RECK: variants seen among roughly 807,000 people sequenced by gnomAD.
The protein encoded by RECK is reversion inducing cysteine rich protein with kazal motifs.
A neutral mutation model predicts 115.1 loss-of-function variants in RECK; 69 were observed. That is an observed-to-expected ratio of 0.60 (90% CI 0.49 to 0.73). The LOEUF is 0.73. Among genes scored for constraint, RECK ranks in the 30% least tolerant of loss-of-function variants. The pLI, the probability that RECK is intolerant of heterozygous loss-of-function variation, is 0.00. For missense variants in RECK, 1,047 were observed against 1,203.7 expected (o/e 0.87, Z 1.93); for synonymous variants, 414 against 419.7 (o/e 0.99, Z 0.17).
In RECK at chr9:36,118,737, T is replaced by A. The variant is rs368364486; in HGVS notation, c.2254-20T>A. ...ACAACATAGACATTTCCAGGCTAAA[T>A]GTGATTTGTTTGCCCTCAGCCCTTT... On this transcript the variant is annotated intron_variant, in intron 17 of 20. Coordinates refer to ENST00000377966, the MANE Select transcript of RECK (RefSeq NM_021111.3). The A allele has an allele frequency of 6.4e-4, 1,038 of 1,610,058 alleles. No homozygotes were observed. The highest frequency in any genetic ancestry group is 8.3e-4 in the Non-Finnish European group (975 of 1,177,400).
At chr9:36,110,399 G>A (rs1413972037) in intron 15 of RECK, among the ~76,000 whole-genome samples, 1 of 152,060 alleles carries the variant, frequency 6.6e-6, no homozygotes, top group Non-Finnish European at 1.5e-5. Flanking sequence ...TACCCCTACT[G>A]CTATGATCTA....
chr9:36,067,151 A>G (rs926832433), intron 6 of RECK, among the ~76,000 whole-genome samples: 1 of 152,166 alleles, frequency 6.6e-6, no homozygotes, highest in Admixed American at 6.5e-5. Context: ...CACTGTCATG[A>G]TTGTTGAAGT....
intron 13 of RECK, 40 bp from the exon 14 acceptor site, chr9:36,107,936 G>A (rs1319223591): frequency 6.9e-7 from 1 of 1,450,830 alleles, no homozygotes; most frequent in Admixed American, 1.8e-5. Context: ...CAATGTCATA[G>A]AACAGTACCA....
chr9:36,054,618 AT>A (rs1436370738), intron 2 of RECK, among the ~76,000 whole-genome samples: 7 of 152,070 alleles, frequency 4.6e-5, no homozygotes, highest in African/African-American at 1.7e-4. Flanking sequence ...TTAAAACAGT[AT>A]CTAACACTCA....
At chr9:36,118,081 A>G (rs1310614146) in intron 17 of RECK, among the ~76,000 whole-genome samples, 1 of 152,206 alleles carries the variant, frequency 6.6e-6, no homozygotes, top group African/African-American at 2.4e-5. Flanking sequence ...TGGGCCTAGC[A>G]TCCGCTGCCC....
rs1824525591 is a variant in RECK, at chr9:36,123,139, A to G, written c.*94A>G. On this transcript the variant is annotated 3_prime_UTR_variant, in exon 21 of 21. Transcript: ENST00000377966. ...CTGGTTTGTAGTTGAATATTGGCCA[A>G]GGAAAGGCACATGTCACCTCTATTC... 4.1e-6 allele frequency: 4 copies of G among 971,598 alleles called. No homozygotes were observed. In the South Asian group the frequency reaches 5.0e-5, roughly 12 times the overall value. 60.2% of individuals were successfully genotyped at this position (971,598 alleles called of 1,614,324 possible). A position where few individuals can be genotyped will look rare whatever the true frequency, so the allele number is the denominator to read the frequency against.
At chr9:36,091,580 C>T (rs1334646430) in intron 10 of RECK, among the ~76,000 whole-genome samples, 1 of 152,164 alleles carries the variant, frequency 6.6e-6, no homozygotes, top group Non-Finnish European at 1.5e-5. Flanking sequence ...ATCTCTTCTG[C>T]CGTCAGTCCC....
chr9:36,098,448 C>T (rs1261519303), intron 10 of RECK, among the ~76,000 whole-genome samples: 1 of 152,166 alleles, frequency 6.6e-6, no homozygotes, highest in Non-Finnish European at 1.5e-5. Context: ...CCTCCTCACC[C>T]TCACAAGAAT....
chr9:36,112,622 T>G, intron 16 of RECK, 146 bp downstream of exon 16: 1 of 883,146 alleles, frequency 1.1e-6, no homozygotes, highest in Non-Finnish European at 1.7e-6. Flanking sequence ...AAGAGAGCCA[T>G]GTAAAGCTGC....
chr9:36,038,935 CTG>C (rs1820769465), intron 1 of RECK, among the ~76,000 whole-genome samples: 1 of 152,056 alleles, frequency 6.6e-6, no homozygotes, highest in Admixed American at 6.5e-5. Context: ...CTACACAACT[CTG>C]TGAATATACT....
At chr9:36,073,241 GAC>G (rs778489595) in intron 6 of RECK, among the ~76,000 whole-genome samples, 6,492 of 67,378 alleles carry the variant, frequency 0.096, 182 homozygotes, top group Non-Finnish European at 0.16. Flanking sequence ...GACACACACA[GAC>G]ACACACACAC....
At chr9:36,060,747 TC>T (rs1821723297) in intron 4 of RECK, among the ~76,000 whole-genome samples, 1 of 152,136 alleles carries the variant, frequency 6.6e-6, no homozygotes, top group Non-Finnish European at 1.5e-5. Context: ...GTAATCTCAT[TC>T]CTTCCCAGAA....
In RECK at chr9:36,100,070, G is replaced by A. The variant is rs557214761; in HGVS notation, c.1086-261G>A. On this transcript the variant is annotated intron_variant, in intron 10 of 20. Coordinates refer to ENST00000377966, the MANE Select transcript of RECK (RefSeq NM_021111.3). ...ATGAAATGAAATGGGATAGTCTGGG[G>A]ATAATAGTCCTGTTTGGAGAATTGT... Among the ~76,000 whole-genome samples, 67 of 152,330 alleles carry A rather than the reference G, an allele frequency of 4.4e-4. 2 individuals are homozygous for A. In the South Asian group the frequency reaches 0.013, roughly 30 times the overall value.
chr9:36,100,238 T>G, intron 10 of RECK, 93 bp from the exon 11 acceptor site: 1 of 994,278 alleles, frequency 1.0e-6, no homozygotes, highest in East Asian at 2.6e-5. Flanking sequence ...AAAACCAGAT[T>G]TTTCTGATGC....
chr9:36,097,340 A>G (rs1005161605), intron 10 of RECK, among the ~76,000 whole-genome samples: 1 of 151,882 alleles, frequency 6.6e-6, no homozygotes, highest in South Asian at 2.1e-4. Context: ...AAAAAAAAAA[A>G]AAAAGAAAAA....
intron 12 of RECK, among the ~76,000 whole-genome samples, chr9:36,104,266 C>T: frequency 1.7e-5 from 2 of 116,392 alleles, no homozygotes; most frequent in South Asian, 2.8e-4. Context: ...TACACATATA[C>T]ATACATAGCA....
chr9:36,044,688 A>C (rs962455333), intron 1 of RECK, among the ~76,000 whole-genome samples: 1 of 152,188 alleles, frequency 6.6e-6, no homozygotes, highest in Non-Finnish European at 1.5e-5. Context: ...AAACATCAAC[A>C]TGGCCTAGAG....
intron 6 of RECK, among the ~76,000 whole-genome samples, chr9:36,070,375 A>G (rs967902011): frequency 6.6e-6 from 1 of 152,152 alleles, no homozygotes; most frequent in Admixed American, 6.6e-5. Flanking sequence ...CCCACAGTCA[A>G]CCTTGAAGTA....
intron 14 of RECK, 55 bp downstream of exon 14, chr9:36,108,219 G>A: frequency 7.6e-7 from 1 of 1,311,430 alleles, no homozygotes; most frequent in Non-Finnish European, 1.1e-6. Flanking sequence ...TTTTTACTTT[G>A]TAGGAAGAAT....
Sources: gnomAD v4.1 joint callset for allele counts (sites outside exome capture counted in the v4.1 genomes callset) on GRCh38, gnomAD v4.1.1 for gene constraint, MANE v1.5 for transcripts, NCBI Gene and HGNC (gene_info 2026-07-23, HGNC 2026-07-21) for gene names.